PER2: variants seen among roughly 807,000 people sequenced by gnomAD.
PER2 encodes the protein period circadian protein homolog 2.
A neutral mutation model predicts 121.0 loss-of-function variants in PER2; 66 were observed. The observed-to-expected ratio is 0.55, with a 90% CI of 0.45 to 0.67. The LOEUF (loss-of-function observed/expected upper bound fraction) is 0.67, where lower values mean the gene tolerates loss of function less well. Among genes scored for constraint, PER2 ranks in the 30% least tolerant of loss-of-function variants. PER2 has a pLI of 0.00. For missense variants in PER2, 1,521 were observed against 1,635.0 expected (o/e 0.93, Z 1.20); for synonymous variants, 684 against 659.9 (o/e 1.04, Z -0.56).
upstream of PER2, among the ~76,000 whole-genome samples, chr2:238,290,453 T>C (rs114211205): frequency 5.6e-3 from 846 of 152,284 alleles, 13 homozygotes; most frequent in African/African-American, 0.019. Flanking sequence ...ATCCACACCT[T>C]ACCGAGATTC....
At chr2:238,270,262 C>T (rs1442457909) in intron 6 of PER2, among the ~76,000 whole-genome samples, 1 of 152,230 alleles carries the variant, frequency 6.6e-6, no homozygotes, top group South Asian at 2.1e-4. Context: ...AGGCTTACAT[C>T]GGTATTTTGG....
Position 238,244,082 on chromosome 2 carries a change from G to T in PER2, c.*2293C>A, listed in dbSNP as rs563710993. ...GCTTTATTTACCAATTTTCTAAAAGGCAAACAGGTCATAAAAAGACACAAG... is the reference window on the plus strand; with the variant it reads ...GCTTTATTTACCAATTTTCTAAAAGTCAAACAGGTCATAAAAAGACACAAG... On this transcript the variant is annotated 3_prime_UTR_variant, in exon 23 of 23. Coordinates refer to ENST00000254657, the MANE Select transcript of PER2 (RefSeq NM_022817.3). The T allele has an allele frequency of 6.6e-6, 1 of 152,468 alleles. No individual in the cohort carries two copies. Among genetic ancestry groups the T allele is most frequent in the East Asian group, 1.9e-4 (1 of 5,176 alleles). The allele number at this position is 152,468 out of a possible 1,614,324, so 9.4% of individuals were successfully genotyped here. A position where few individuals can be genotyped will look rare whatever the true frequency, so the allele number is the denominator to read the frequency against.
chr2:238,286,430 G>A (rs916842931), intron 1 of PER2, among the ~76,000 whole-genome samples: 2 of 151,952 alleles, frequency 1.3e-5, no homozygotes, highest in African/African-American at 2.4e-5. Flanking sequence ...TCTAGACTTG[G>A]AGATATGGTA....
chr2:238,249,033 A>AT (rs541695975), intron 22 of PER2, 29 bp downstream of exon 22: 19 of 1,610,772 alleles, frequency 1.2e-5, no homozygotes, highest in Non-Finnish European at 1.5e-5. Flanking sequence ...TTTTAGGGCC[A>AT]TATCAGAAAT....
In PER2 at chr2:238,271,494, A is replaced by G; in HGVS notation, c.590T>C (p.Val197Ala). The change falls in exon 6 of 23, where the codon GTG becomes GCG. Residue 197 changes from valine (V) to alanine (A), a missense_variant. Coordinates refer to ENST00000254657, the MANE Select transcript of PER2 (RefSeq NM_022817.3). The stretch of plus-strand genomic sequence containing the variant: ...CAGGATCTTCCCAGACACCAGGGAC[A>G]CGGCCACCGCAAACATATCCTGAAA... ...VKNADMFAVA[V>A]SLVSGKILYI... 3 of 1,613,420 alleles carry G rather than the reference A, an allele frequency of 1.9e-6. No homozygotes were observed. Among genetic ancestry groups the G allele is most frequent in the Non-Finnish European group, 2.5e-6 (3 of 1,179,508 alleles).
intron 1 of PER2, among the ~76,000 whole-genome samples, chr2:238,282,332 C>T (rs1696653712): frequency 6.6e-6 from 1 of 152,236 alleles, no homozygotes; most frequent in Admixed American, 6.5e-5. Context: ...CCTCCACCGC[C>T]GCTCTGTGGG....
chr2:238,261,765 C>A lies in PER2; in HGVS notation c.1380G>T (p.Gln460His). 6.4e-7 allele frequency: 1 copy of A among 1,573,636 alleles called. No homozygotes were observed. The highest frequency in any genetic ancestry group is 2.3e-5 in the East Asian group (1 of 42,582). ...GCCGGTGGATCTGCTCTGTGAGCTCCTGAATGCTGGGGTGCAGGGCCTTCT... is the reference window on the plus strand; with the variant it reads ...GCCGGTGGATCTGCTCTGTGAGCTCATGAATGCTGGGGTGCAGGGCCTTCT... ...TEEKALHPSI[Q>H]ELTEQIHRLL... Residue 460 changes from glutamine (Q) to histidine (H), a missense_variant, in exon 12 of 23, where the codon CAG becomes CAT. Gln to His is a conservative substitution (Grantham distance 24). Transcript: ENST00000254657.
chr2:238,297,229 G>A, the PER2 span, among the ~76,000 whole-genome samples: 1 of 152,224 alleles, frequency 6.6e-6, no homozygotes, highest in African/African-American at 2.4e-5. Context: ...AGGACCAGGA[G>A]AAATGACAAA....
intron 3 of PER2, 33 bp downstream of exon 3, chr2:238,277,098 A>C: frequency 6.7e-7 from 1 of 1,485,188 alleles, no homozygotes; most frequent in Non-Finnish European, 9.4e-7. Flanking sequence ...ATTTCTCTAA[A>C]ACCTCTATGT....
At chr2:238,258,766 T>A in intron 14 of PER2, 122 bp from the exon 15 acceptor site, 4 of 997,490 alleles carry the variant, frequency 4.0e-6, no homozygotes, top group Non-Finnish European at 4.6e-6. Flanking sequence ...GCTTCATGAG[T>A]ATGGAAGCCT....
At chr2:238,286,961 C>A (rs970782642) in intron 1 of PER2, among the ~76,000 whole-genome samples, 1 of 152,182 alleles carries the variant, frequency 6.6e-6, no homozygotes, top group Non-Finnish European at 1.5e-5. Context: ...CTGTCTCCTG[C>A]GAGAAACCTG....
chr2:238,262,134 C>T, intron 11 of PER2, 57 bp downstream of exon 11: 6 of 1,539,578 alleles, frequency 3.9e-6, no homozygotes, highest in East Asian at 2.2e-5. Context: ...GAGGTGAGGA[C>T]AGCCCGAGAC....
At chr2:238,249,306 T>C (rs1159265605) in intron 21 of PER2, 94 bp from the exon 22 acceptor site, 1 of 1,329,084 alleles carries the variant, frequency 7.5e-7, no homozygotes, top group Admixed American at 2.1e-5. Flanking sequence ...GATGATTTTG[T>C]TTAATGCAAA....
In PER2 at chr2:238,271,337, G is replaced by A; in HGVS notation, c.747C>T (p.Pro249=). 1 of 1,614,118 alleles carries A rather than the reference G, an allele frequency of 6.2e-7. No individual in the cohort carries two copies. The highest frequency in any genetic ancestry group is 8.5e-7 in the Non-Finnish European group (1 of 1,179,984). The part of the protein sequence containing the change: ...FHSFTSPYKL[P]LWSMCSGADS... ...CTGCTCCACTGCACATGCTCCACAA[G>A]GGAAGCTTGTACGGGGAGGTGAAAC... The change falls in exon 6 of 23, where the codon CCC becomes CCT. Residue 249 remains proline (P), a synonymous_variant. Coordinates refer to ENST00000254657, the MANE Select transcript of PER2 (RefSeq NM_022817.3).
intron 8 of PER2, 117 bp from the exon 9 acceptor site, chr2:238,265,707 A>G (rs1376675124): frequency 7.0e-6 from 5 of 719,168 alleles, no homozygotes; most frequent in Non-Finnish European, 1.3e-5. Context: ...TAAAGAAAAA[A>G]ATTAAAACAT....
rs777469026 is a variant in PER2 at position 238,249,220 on chromosome 2, A to G, written c.3468-8T>C. 1.1e-5 allele frequency: 18 copies of G among 1,612,822 alleles called. No individual in the cohort carries two copies. The highest frequency in any genetic ancestry group is 1.5e-5 in the Non-Finnish European group (18 of 1,179,130). On this transcript the variant is annotated splice_polypyrimidine_tract_variant and splice_region_variant and intron_variant, in intron 21 of 22. Transcript: ENST00000254657. ...AAAACCGCTTCTAAATTTCTTCGCA[A>G]GATATTTAGAAATCGGTAAGCTTTC...
chr2:238,271,993 C>T (rs994695926), intron 5 of PER2, among the ~76,000 whole-genome samples: 1 of 152,150 alleles, frequency 6.6e-6, no homozygotes. Context: ...GCCCCCTCAC[C>T]CTAAAACCAA....
chr2:238,247,036 G>A (rs1044842524), intron 22 of PER2, among the ~76,000 whole-genome samples: 1 of 152,212 alleles, frequency 6.6e-6, no homozygotes, highest in African/African-American at 2.4e-5. Context: ...AGGGTATATA[G>A]AGGACATCTG....
intron 6 of PER2, among the ~76,000 whole-genome samples, chr2:238,270,134 T>C (rs1696239097): frequency 1.3e-5 from 2 of 152,258 alleles, no homozygotes; most frequent in Non-Finnish European, 1.5e-5. Context: ...GCCTCTCAGC[T>C]GCCTCAGACT....
Sources: allele counts gnomAD v4.1 joint callset (sites outside exome capture counted in the v4.1 genomes callset), GRCh38; gene constraint gnomAD v4.1.1; transcripts MANE v1.5; gene names NCBI Gene and HGNC (gene_info 2026-07-23, HGNC 2026-07-21).